The following DCC variants were observed in gnomAD, a reference collection of about 807,000 sequenced individuals.
The protein encoded by DCC is DCC netrin 1 receptor.
Under a neutral mutation model 172.5 loss-of-function variants are expected in DCC, and 58 were observed. The observed-to-expected ratio is 0.34, with a 90% CI of 0.27 to 0.42. The LOEUF (loss-of-function observed/expected upper bound fraction) is 0.42, where lower values mean the gene tolerates loss of function less well. DCC is among the 10% of genes least tolerant of loss of function. DCC has a pLI of 1.00. For missense variants in DCC, 1,740 were observed against 1,791.0 expected (o/e 0.97, Z 0.51); for synonymous variants, 709 against 644.5 (o/e 1.10, Z -1.52).
At chr18:53,350,195 G>C (rs1275072548) in intron 15 of DCC, among the ~76,000 whole-genome samples, 1 of 152,108 alleles carries the variant, frequency 6.6e-6, no homozygotes, top group Non-Finnish European at 1.5e-5. Flanking sequence ...ATTAGTCCAT[G>C]TAAAACTATC....
intron 2 of DCC, among the ~76,000 whole-genome samples, chr18:52,861,237 C>T (rs1455003318): frequency 6.6e-6 from 1 of 152,138 alleles, no homozygotes; most frequent in African/African-American, 2.4e-5. Flanking sequence ...CTTGCAAGGT[C>T]AGGAACCTTG....
At chr18:52,943,488 A>C (rs1568202173) in intron 5 of DCC, among the ~76,000 whole-genome samples, 1 of 152,188 alleles carries the variant, frequency 6.6e-6, no homozygotes, top group Non-Finnish European at 1.5e-5. Flanking sequence ...TACATCTGAG[A>C]GTTCAAGGGT....
At chr18:53,058,232 C>A (rs1268761566) in intron 5 of DCC, among the ~76,000 whole-genome samples, 1 of 151,946 alleles carries the variant, frequency 6.6e-6, no homozygotes, top group Non-Finnish European at 1.5e-5. Flanking sequence ...GTTTTAATAG[C>A]AAGTAGAATT....
intron 7 of DCC, among the ~76,000 whole-genome samples, chr18:53,135,626 G>C (rs546401052): frequency 6.6e-6 from 1 of 152,118 alleles, no homozygotes; most frequent in East Asian, 1.9e-4. Flanking sequence ...AAGGTTTTAT[G>C]GTTTCTTTGT....
chr18:53,281,661 G>A (rs1028209210), intron 12 of DCC, among the ~76,000 whole-genome samples: 55 of 152,030 alleles, frequency 3.6e-4, no homozygotes, highest in Non-Finnish European at 1.8e-4. Flanking sequence ...TGTTAAATAC[G>A]CAGGAATTTT....
chr18:52,428,315 C>G (rs985104180), intron 1 of DCC, among the ~76,000 whole-genome samples: 1 of 152,036 alleles, frequency 6.6e-6, no homozygotes, highest in African/African-American at 2.4e-5. Flanking sequence ...TTACATGAAG[C>G]CTTCAGAGAG....
intron 1 of DCC, among the ~76,000 whole-genome samples, chr18:52,649,354 C>T (rs920637715): frequency 1.5e-5 from 2 of 129,508 alleles, no homozygotes; most frequent in African/African-American, 5.8e-5. Context: ...GCTTGGGTGA[C>T]AGAGTGAGAT....
chr18:53,047,304 ATATAATTT>A, intron 5 of DCC, among the ~76,000 whole-genome samples: 1 of 25,352 alleles, frequency 3.9e-5, no homozygotes, highest in Non-Finnish European at 9.0e-5. Flanking sequence ...ATATATATAT[ATATAATTT>A]TATATATATA....
chr18:52,601,805 C>T (rs1048619345), intron 1 of DCC, among the ~76,000 whole-genome samples: 8 of 151,954 alleles, frequency 5.3e-5, no homozygotes, highest in African/African-American at 2.4e-5. Flanking sequence ...ATTTTGCTTC[C>T]GTCTTATGCA....
At chr18:53,020,911 A>G (rs1437603119) in intron 5 of DCC, among the ~76,000 whole-genome samples, 1 of 152,160 alleles carries the variant, frequency 6.6e-6, no homozygotes, top group African/African-American at 2.4e-5. Flanking sequence ...CCACCTCTAG[A>G]CCAATAGAAG....
intron 2 of DCC, chr18:52,759,136 T>C (rs1195149180): frequency 6.6e-6 from 1 of 152,166 alleles, no homozygotes; most frequent in Non-Finnish European, 1.5e-5. Context: ...TTAATTTTAT[T>C]GCTAAATCAA....
chr18:52,882,266 T>C (rs1023121570), intron 2 of DCC, among the ~76,000 whole-genome samples: 1 of 152,018 alleles, frequency 6.6e-6, no homozygotes, highest in Non-Finnish European at 1.5e-5. Flanking sequence ...CCCTTTCTTT[T>C]TTAGTTCTTT....
At chr18:53,518,111 A>G (rs1052552625) in intron 27 of DCC, among the ~76,000 whole-genome samples, 5 of 152,170 alleles carry the variant, frequency 3.3e-5, no homozygotes, top group African/African-American at 1.2e-4. Context: ...AATAATAAGT[A>G]TATATAAGAA....
At chr18:53,308,524 A>T (rs2057229238) in intron 13 of DCC, among the ~76,000 whole-genome samples, 1 of 152,194 alleles carries the variant, frequency 6.6e-6, no homozygotes, top group African/African-American at 2.4e-5. Flanking sequence ...ACTCAATATC[A>T]TCTGAATGGC....
chr18:52,827,695 T>C (rs2038537148), intron 2 of DCC, among the ~76,000 whole-genome samples: 1 of 152,236 alleles, frequency 6.6e-6, no homozygotes, highest in Non-Finnish European at 1.5e-5. Context: ...TTGCAGACAA[T>C]GGCAGGCACT....
intron 7 of DCC, among the ~76,000 whole-genome samples, chr18:53,072,807 A>G (rs776040893): frequency 4.6e-5 from 7 of 152,210 alleles, no homozygotes. Context: ...TGTGTGGTGG[A>G]GTAGACAGAG....
intron 2 of DCC, among the ~76,000 whole-genome samples, chr18:52,836,517 A>G (rs2038707493): frequency 6.6e-6 from 1 of 152,226 alleles, no homozygotes; most frequent in Admixed American, 6.5e-5. Flanking sequence ...TGGCCAAAAC[A>G]AAGGAGCTAC....
At chr18:52,710,607 G>A (rs1599037864) in intron 1 of DCC, among the ~76,000 whole-genome samples, 1 of 152,230 alleles carries the variant, frequency 6.6e-6, no homozygotes, top group African/African-American at 2.4e-5. Flanking sequence ...TGATGGGATT[G>A]TGATTTTAAT....
intron 7 of DCC, among the ~76,000 whole-genome samples, chr18:53,124,368 A>G (rs2043525099): frequency 1.3e-5 from 2 of 152,070 alleles, no homozygotes; most frequent in South Asian, 4.1e-4. Flanking sequence ...AAACAGGCAA[A>G]TACTAGTTAG....
Sources: allele counts gnomAD v4.1 joint callset (sites outside exome capture counted in the v4.1 genomes callset), GRCh38; gene constraint gnomAD v4.1.1; transcripts MANE v1.5; gene names NCBI Gene and HGNC (gene_info 2026-07-23, HGNC 2026-07-21).